IPO8: variants seen among roughly 807,000 people sequenced by gnomAD.
The protein encoded by IPO8 is importin-8.
A neutral mutation model predicts 141.2 loss-of-function variants in IPO8; 65 were observed. That is an observed-to-expected ratio of 0.46 (90% CI 0.38 to 0.57). IPO8 has a LOEUF of 0.57. IPO8 is among the 20% of genes least tolerant of loss of function. IPO8 has a pLI of 0.00. For synonymous variants in IPO8, 411 were observed against 420.3 expected (o/e 0.98, Z 0.27); for missense variants, 980 against 1,246.8 (o/e 0.79, Z 3.22).
chr12:30,646,908 CAGCACAA>C (rs2052654758), intron 20 of IPO8, among the ~76,000 whole-genome samples: 1 of 152,130 alleles, frequency 6.6e-6, no homozygotes, highest in Non-Finnish European at 1.5e-5. Flanking sequence ...TCTACAGATT[CAGCACAA>C]TGCCTGTCAC....
intron 9 of IPO8, among the ~76,000 whole-genome samples, chr12:30,669,801 TC>T (rs1361804462): frequency 1.3e-5 from 2 of 151,964 alleles, no homozygotes; most frequent in African/African-American, 4.8e-5. Flanking sequence ...TTACTTCTAT[TC>T]CCAAAAAAAC....
chr12:30,682,073 A>G (rs2053194684), intron 3 of IPO8, among the ~76,000 whole-genome samples: 2 of 152,188 alleles, frequency 1.3e-5, no homozygotes, highest in Non-Finnish European at 2.9e-5. Context: ...GTTTAAAAAA[A>G]TTGTTTTAAA....
intron 6 of IPO8, 76 bp downstream of exon 6, chr12:30,676,422 A>AG: frequency 1.3e-6 from 1 of 778,344 alleles, no homozygotes; most frequent in Non-Finnish European, 2.1e-6. Flanking sequence ...AAGAGCAGTC[A>AG]GGGATAATGC....
intron 24 of IPO8, 162 bp downstream of exon 24, chr12:30,631,733 T>C (rs2052435421): frequency 5.2e-6 from 3 of 581,614 alleles, no homozygotes. Context: ...ACATCATGAG[T>C]GATTAAAACA....
At chr12:30,648,075 C>T (rs753715688) in intron 20 of IPO8, among the ~76,000 whole-genome samples, 7 of 152,160 alleles carry the variant, frequency 4.6e-5, no homozygotes, top group Non-Finnish European at 7.4e-5. Context: ...ACAGAATGAC[C>T]ATATTCCACT....
At chr12:30,662,668 C>G in intron 14 of IPO8, 181 bp from the exon 15 acceptor site, 1 of 622,144 alleles carries the variant, frequency 1.6e-6, no homozygotes, top group Non-Finnish European at 2.9e-6. Context: ...TATCAGTTTC[C>G]CAAGAGTAAT....
intron 20 of IPO8, among the ~76,000 whole-genome samples, chr12:30,645,372 CA>C (rs776070329): frequency 0.13 from 12,663 of 99,018 alleles, 562 homozygotes; most frequent in Middle Eastern, 0.18. Flanking sequence ...GACTTCATCT[CA>C]AAAAAAAAAA....
intron 6 of IPO8, among the ~76,000 whole-genome samples, chr12:30,676,229 G>A (rs1048476058): frequency 1.4e-4 from 21 of 151,954 alleles, no homozygotes; most frequent in Non-Finnish European, 2.6e-4. Flanking sequence ...CCCAGCCAAC[G>A]TATACTACTT....
intron 2 of IPO8, among the ~76,000 whole-genome samples, chr12:30,687,518 T>C (rs2053253259): frequency 6.6e-6 from 1 of 150,928 alleles, no homozygotes; most frequent in African/African-American, 2.4e-5. Context: ...GTGGGCAGAA[T>C]GTCATGCTTT....
intron 2 of IPO8, among the ~76,000 whole-genome samples, chr12:30,685,497 ATGTTGTG>A (rs1390165779): frequency 1.4e-4 from 19 of 133,330 alleles, no homozygotes; most frequent in African/African-American, 5.5e-4. Flanking sequence ...AATACTTATA[ATGTTGTG>A]TGTGTGTGTG....
intron 5 of IPO8, among the ~76,000 whole-genome samples, chr12:30,679,876 C>CAA (rs2053166597): frequency 6.6e-6 from 1 of 152,140 alleles, no homozygotes; most frequent in Admixed American, 6.5e-5. Flanking sequence ...ATAATTTACC[C>CAA]AAATCTTTCA....
At chr12:30,651,587 A>G (rs1435468011) in intron 19 of IPO8, among the ~76,000 whole-genome samples, 2 of 151,946 alleles carry the variant, frequency 1.3e-5, no homozygotes, top group Middle Eastern at 3.2e-3. Flanking sequence ...GTGTATGTAT[A>G]TATTTACTTA....
intron 9 of IPO8, 97 bp from the exon 10 acceptor site, chr12:30,669,379 T>C: frequency 5.5e-6 from 3 of 544,738 alleles, no homozygotes; most frequent in Non-Finnish European, 9.6e-6. Flanking sequence ...TTTATGATGT[T>C]AGTTTTCCAA....
intron 3 of IPO8, among the ~76,000 whole-genome samples, chr12:30,683,456 A>G (rs1222408070): frequency 2.6e-5 from 4 of 151,728 alleles, no homozygotes; most frequent in Non-Finnish European, 5.9e-5. Context: ...TCATTCCTCT[A>G]CCTCTGTTTT....
chr12:30,651,556 C>T (rs2052726421), intron 19 of IPO8, among the ~76,000 whole-genome samples: 1 of 151,816 alleles, frequency 6.6e-6, no homozygotes, highest in Non-Finnish European at 1.5e-5. Flanking sequence ...GTTTCAGTTT[C>T]ATATTTATGT....
At chr12:30,650,096 A>G (rs1186789577) in intron 19 of IPO8, among the ~76,000 whole-genome samples, 1 of 152,026 alleles carries the variant, frequency 6.6e-6, no homozygotes, top group Non-Finnish European at 1.5e-5. Flanking sequence ...AGAAGAAAAA[A>G]AAGCAAAACA....
chr12:30,644,640 GTTTTTTTTTTTTGTTT>G (rs1450646869), intron 20 of IPO8, among the ~76,000 whole-genome samples: 4 of 89,556 alleles, frequency 4.5e-5, no homozygotes, highest in Admixed American at 9.2e-5. Flanking sequence ...GCTTTTTGGT[GTTTTTTTTTTTTGTTT>G]TTTTTTTTTT....
rs2052512136 is a variant in IPO8 at position 30,637,044 on chromosome 12, G to A, written c.2633C>T (p.Thr878Ile). 1 of 1,613,990 alleles carries A rather than the reference G, an allele frequency of 6.2e-7. No homozygotes were observed. ...ATCTTCCCGGTTTACCAGTTGTCTA[G>A]TAGCACAGACCTGCTTTAGGCCAAG... is the stretch of plus-strand genomic sequence containing the variant. ...LFLGLKQVCATRQLVNREDRS... is the reference protein window; with the variant it reads ...LFLGLKQVCAIRQLVNREDRS... Residue 878 changes from threonine (T) to isoleucine (I), a missense_variant, in exon 22 of 25, where the codon ACT becomes ATT. This residue lies in a region of IPO8 where 924 missense variants were observed against 1,153.9 expected (regional missense o/e 0.80). Transcript: ENST00000256079.
At chr12:30,638,219 T>G (rs1252697021) in intron 21 of IPO8, among the ~76,000 whole-genome samples, 1 of 152,212 alleles carries the variant, frequency 6.6e-6, no homozygotes, top group Non-Finnish European at 1.5e-5. Context: ...ACCAACCGCT[T>G]AACTTTAAAT....
Sources: gnomAD v4.1 joint callset for allele counts (sites outside exome capture counted in the v4.1 genomes callset) on GRCh38, gnomAD v4.1.1 for gene constraint, gnomAD v4.1.1 regional missense constraint, MANE v1.5 for transcripts, NCBI Gene and HGNC (gene_info 2026-07-23, HGNC 2026-07-21) for gene names.